Variants in PPP5C observed in about 807,000 individuals in gnomAD.
PPP5C encodes serine/threonine-protein phosphatase 5.
A neutral mutation model predicts 66.7 loss-of-function variants in PPP5C; 21 were observed. That is an observed-to-expected ratio of 0.31 (90% CI 0.22 to 0.45). The LOEUF (loss-of-function observed/expected upper bound fraction) is 0.45, where lower values mean the gene tolerates loss of function less well. PPP5C is among the 20% of genes least tolerant of loss of function. The pLI is 1.00. For synonymous variants in PPP5C, 246 were observed against 257.4 expected (o/e 0.96, Z 0.43); for missense variants, 464 against 675.9 (o/e 0.69, Z 3.48).
intron 2 of PPP5C, among the ~76,000 whole-genome samples, chr19:46,366,646 T>C (rs1972496222): frequency 6.6e-6 from 1 of 152,060 alleles, no homozygotes; most frequent in Non-Finnish European, 1.5e-5. Context: ...GCTTGAGCTT[T>C]TAAAGAAAAA....
intron 2 of PPP5C, among the ~76,000 whole-genome samples, chr19:46,374,598 G>A (rs578094512): frequency 6.6e-6 from 1 of 152,292 alleles, no homozygotes; most frequent in East Asian, 1.9e-4. Context: ...AAGGTTGCGG[G>A]GATAGGGCTC....
rs144930587 is a variant in PPP5C at position 46,379,564 on chromosome 19, A to G, written c.633+2990A>G. Among the ~76,000 whole-genome samples, 386 of 152,274 alleles carry G rather than the reference A, an allele frequency of 2.5e-3. 1 individual carries two copies. The highest frequency in any genetic ancestry group is 0.01 in the Middle Eastern group (3 of 294). On this transcript the variant is annotated intron_variant, in intron 4 of 12. Transcript: ENST00000012443. ...CAATCATATGATTGCATTTCAATCT[A>G]CTGTCTAGATGTCTCTTTTCTATAT...
intron 2 of PPP5C, among the ~76,000 whole-genome samples, chr19:46,361,171 C>T (rs1214213379): frequency 3.7e-5 from 5 of 133,568 alleles, no homozygotes; most frequent in African/African-American, 1.1e-4. Context: ...ACTCTGTCGC[C>T]CAGGCTGGAG....
In PPP5C at chr19:46,388,362, C is replaced by T. The variant is rs1339791461; in HGVS notation, c.1136-46C>T. The T allele has an allele frequency of 1.9e-6, 3 of 1,581,654 alleles. No individual in the cohort carries two copies. The highest frequency in any genetic ancestry group is 4.5e-5 in the East Asian group (2 of 44,218). On this transcript the variant is annotated intron_variant, in intron 9 of 12. Coordinates refer to ENST00000012443, the MANE Select transcript of PPP5C (RefSeq NM_006247.4). This position sits in a 1 kb window ranked among gnomAD's most constrained non-coding sequence, Gnocchi z 4.9. ...GGAGGTGGCCTGTGAGTGACCACCC[C>T]CGGGGAGGTGGACGAGTCCCTAATG... is the stretch of plus-strand genomic sequence containing the variant.
chr19:46,376,323 T>TC lies in PPP5C; in HGVS notation c.512-129dup. The TC allele has an allele frequency of 1.6e-6, 2 of 1,234,792 alleles. No individual in the cohort carries two copies. Among genetic ancestry groups the TC allele is most frequent in the Admixed American group, 2.3e-5 (1 of 44,102 alleles). 76.5% of individuals were successfully genotyped at this position (1,234,792 alleles called of 1,614,324 possible). Reference sequence around the variant, plus strand: ...CAGACCTGACCCAGGAGGGGACTCTTCACTCACTCTGTCCCGCTCTCGACC... The same window carrying TC: ...CAGACCTGACCCAGGAGGGGACTCTTCCACTCACTCTGTCCCGCTCTCGACC... On this transcript the variant is annotated intron_variant, in intron 3 of 12. Transcript: ENST00000012443. The surrounding 1 kb of genome is among the most constrained non-coding windows in gnomAD (Gnocchi z 5.1).
At chr19:46,370,519 GAGA>G (rs2147382721) in intron 2 of PPP5C, among the ~76,000 whole-genome samples, 1 of 152,316 alleles carries the variant, frequency 6.6e-6, no homozygotes, top group Non-Finnish European at 1.5e-5. Flanking sequence ...TGAGGCCCTT[GAGA>G]AGGTGTGGTT....
intron 3 of PPP5C, 93 bp downstream of exon 3, chr19:46,375,844 C>G (rs1972685587): frequency 6.8e-7 from 1 of 1,477,576 alleles, no homozygotes; most frequent in Non-Finnish European, 9.0e-7. Context: ...TCAGGGGTGG[C>G]CCCTTGTTCT....
At chr19:46,347,947 A>AAC (rs1555791735) in intron 1 of PPP5C, among the ~76,000 whole-genome samples, 1 of 151,492 alleles carries the variant, frequency 6.6e-6, no homozygotes, top group Non-Finnish European at 1.5e-5. Context: ...CATGAAAAAA[A>AAC]AAAAAACAAA....
intron 4 of PPP5C, among the ~76,000 whole-genome samples, chr19:46,380,615 C>G (rs912504844): frequency 6.6e-6 from 1 of 152,222 alleles, no homozygotes. Context: ...TAGACTAATT[C>G]TCTCAGCTTT....
At chr19:46,370,814 C>T (rs1261317837) in intron 2 of PPP5C, among the ~76,000 whole-genome samples, 1 of 152,012 alleles carries the variant, frequency 6.6e-6, no homozygotes, top group African/African-American at 2.4e-5. Context: ...GATCTCGGCT[C>T]ACTGCAAGCT....
chr19:46,383,641 C>G lies in PPP5C; in HGVS notation c.700-139C>G. ...CCCATTTCTCTCCTGGCCTCTTGGT[C>G]TTCGTTTGTGTTCCCTGCTTGTGTC... On this transcript the variant is annotated intron_variant, in intron 5 of 12. Coordinates refer to ENST00000012443, the MANE Select transcript of PPP5C (RefSeq NM_006247.4). This position sits in a 1 kb window ranked among gnomAD's most constrained non-coding sequence, Gnocchi z 5.0. The G allele has an allele frequency of 9.7e-7, 1 of 1,031,854 alleles. No individual in the cohort carries two copies. The highest frequency in any genetic ancestry group is 2.5e-5 in the East Asian group (1 of 39,634). 63.9% of individuals were successfully genotyped at this position (1,031,854 alleles called of 1,614,324 possible).
At chr19:46,369,514 C>T (rs1972547357) in intron 2 of PPP5C, among the ~76,000 whole-genome samples, 1 of 151,832 alleles carries the variant, frequency 6.6e-6, no homozygotes, top group African/African-American at 2.4e-5. Flanking sequence ...TGCCTGTAGT[C>T]CTAGCCACTC....
intron 2 of PPP5C, among the ~76,000 whole-genome samples, chr19:46,357,596 G>A (rs1972308836): frequency 6.6e-6 from 1 of 152,178 alleles, no homozygotes; most frequent in South Asian, 2.1e-4. Flanking sequence ...CAAGACCTAG[G>A]TTATTTTGCC....
intron 2 of PPP5C, among the ~76,000 whole-genome samples, chr19:46,365,333 G>T (rs1248396570): frequency 6.6e-6 from 1 of 151,366 alleles, no homozygotes; most frequent in Non-Finnish European, 1.5e-5. Context: ...GGCTAGGCTG[G>T]TTTCAAATGC....
chr19:46,347,954 C>CA (rs942995426), intron 1 of PPP5C, among the ~76,000 whole-genome samples: 2,276 of 139,354 alleles, frequency 0.016, 61 homozygotes, highest in African/African-American at 0.055. Flanking sequence ...AAAAAAAAAA[C>CA]AAAAAAAAAC....
rs1384744709 is a variant in PPP5C, at chr19:46,383,938, C to G, written c.798+60C>G. The G allele has an allele frequency of 2.1e-6, 3 of 1,398,834 alleles. No homozygotes were observed. The highest frequency in any genetic ancestry group is 1.2e-5 in the South Asian group (1 of 85,928). 86.7% of individuals were successfully genotyped at this position (1,398,834 alleles called of 1,614,324 possible). On this transcript the variant is annotated intron_variant, in intron 6 of 12. Transcript: ENST00000012443. This position sits in a 1 kb window ranked among gnomAD's most constrained non-coding sequence, Gnocchi z 5.0. The stretch of plus-strand genomic sequence containing the variant: ...TCCACCCCCAGCCGCAGCCTCAGGT[C>G]TGCACAGAGTGGGAGGAGCCCTTGC...
At chr19:46,353,599 C>T in intron 1 of PPP5C, 149 bp from the exon 2 acceptor site, 1 of 1,208,976 alleles carries the variant, frequency 8.3e-7, no homozygotes, top group Non-Finnish European at 1.2e-6. Context: ...TTGGGACAGG[C>T]AGGAGGGGCA....
In PPP5C at chr19:46,383,470, CAAAG is replaced by C; in HGVS notation, c.695_698del (p.Lys232ArgfsTer48). ...TGAGCACGCTCGTGGAAACCACACT[CAAAG>C]AGGTGCGCGTTGTGGGGCAGTGCGG... is the stretch of plus-strand genomic sequence containing the variant. On this transcript the variant is annotated frameshift_variant and splice_region_variant, in exon 5 of 13. Coordinates refer to ENST00000012443, the MANE Select transcript of PPP5C (RefSeq NM_006247.4). LOFTEE classifies it high-confidence loss of function. This position sits in a 1 kb window ranked among gnomAD's most constrained non-coding sequence, Gnocchi z 5.0. 6.2e-7 allele frequency: 1 copy of C among 1,604,208 alleles called. No individual in the cohort carries two copies. Among genetic ancestry groups the C allele is most frequent in the Non-Finnish European group, 8.5e-7 (1 of 1,173,444 alleles).
intron 6 of PPP5C, chr19:46,384,499 A>C: frequency 2.8e-6 from 1 of 351,966 alleles, no homozygotes; most frequent in South Asian, 3.1e-5. Context: ...AGGAGAGCTG[A>C]AGGAGGTGGA....
Sources: allele counts gnomAD v4.1 joint callset (sites outside exome capture counted in the v4.1 genomes callset), GRCh38; gene constraint gnomAD v4.1.1; non-coding constraint Gnocchi (gnomAD v3.1); transcripts MANE v1.5; gene names NCBI Gene and HGNC (gene_info 2026-07-23, HGNC 2026-07-21).